FMNL3: variants seen among roughly 807,000 people sequenced by gnomAD.
FMNL3 encodes the protein formin like 3.
A neutral mutation model predicts 119.6 loss-of-function variants in FMNL3; 57 were observed. The observed-to-expected ratio is 0.48, with a 90% CI of 0.39 to 0.59. The LOEUF (loss-of-function observed/expected upper bound fraction) is 0.59. Ranked by LOEUF, FMNL3 falls within the 20% of genes least tolerant of loss-of-function variation. The pLI is 0.00. For missense variants in FMNL3, 1,053 were observed against 1,323.5 expected, an observed-to-expected ratio of 0.80 and a Z score of 3.17; for synonymous variants, 491 against 507.3, an observed-to-expected ratio of 0.97 and a Z score of 0.43.
chr12:49,665,919 G>T lies in FMNL3; in HGVS notation c.292-11C>A. 6.2e-7 allele frequency: 1 copy of T among 1,613,826 alleles called. No homozygotes were observed. The highest frequency in any genetic ancestry group is 8.5e-7 in the Non-Finnish European group (1 of 1,179,682). On this transcript the variant is annotated splice_polypyrimidine_tract_variant and intron_variant, in intron 3 of 25. Coordinates refer to ENST00000335154, the MANE Select transcript of FMNL3 (RefSeq NM_175736.5). ...CCTCCTCCTGAACTTCTGTAAAAAG[G>T]GTAGGAAAGGAAGGGAATACAAGAG...
At position 49,654,204 on chromosome 12, in the gene FMNL3, C is replaced by T. The variant is rs1479389105; in HGVS notation, c.1059G>A (p.Glu353=). 7 of 1,614,128 alleles carry T rather than the reference C, an allele frequency of 4.3e-6. No homozygotes were observed. Among genetic ancestry groups the T allele is most frequent in the South Asian group, 1.1e-5 (1 of 91,072 alleles). Residue 353 remains glutamate (E), a synonymous_variant, in exon 11 of 26, where the codon GAG becomes GAA. Coordinates refer to ENST00000335154, the MANE Select transcript of FMNL3 (RefSeq NM_175736.5). ...LQYEFTKLGL[E]EFLQKSRHTE... ...CCAGCCAGCTCACCTGCAGGAACTC[C>T]TCTAGCCCCAGCTTGGTAAACTCAT...
intron 1 of FMNL3, among the ~76,000 whole-genome samples, chr12:49,681,223 C>T (rs149506242): frequency 1.3e-3 from 204 of 152,356 alleles, no homozygotes; most frequent in South Asian, 0.011. Flanking sequence ...TTTTTTGAGA[C>T]GGAGTCTCGC....
Position 49,637,408 on chromosome 12 carries a change from C to T in FMNL3, c.*8407G>A. On this transcript the variant is annotated 3_prime_UTR_variant, in exon 26 of 26. Coordinates refer to ENST00000335154, the MANE Select transcript of FMNL3 (RefSeq NM_175736.5). ...TTCCTCTGCCATTCCCTCTCTTCCC[C>T]CTCAGTCTGTGGCTCTGCCTCCCTG... The T allele has an allele frequency of 1.7e-6, 2 of 1,155,530 alleles. No individual in the cohort carries two copies. Among genetic ancestry groups the T allele is most frequent in the Non-Finnish European group, 2.6e-6 (2 of 775,542 alleles). The allele number at this position is 1,155,530 out of a possible 1,614,324, so 71.6% of individuals were successfully genotyped here.
chr12:49,642,418 A>G lies in FMNL3; in HGVS notation c.*3397T>C. 2 of 1,603,076 alleles carry G rather than the reference A, an allele frequency of 1.2e-6. No individual in the cohort carries two copies. The highest frequency in any genetic ancestry group is 8.5e-7 in the Non-Finnish European group (1 of 1,171,576). On this transcript the variant is annotated 3_prime_UTR_variant, in exon 26 of 26. Transcript: ENST00000335154. The surrounding 1 kb of genome is among the most constrained non-coding windows in gnomAD (Gnocchi z 5.8). ...CCAAGCACCCCTCAAGCCTGAGGGC[A>G]GCGGTGCTTCACCACTGAGGGCCCA...
intron 1 of FMNL3, among the ~76,000 whole-genome samples, chr12:49,690,060 G>A (rs1277428237): frequency 6.6e-6 from 1 of 152,092 alleles, no homozygotes; most frequent in African/African-American, 2.4e-5. Flanking sequence ...ATCTCACTTG[G>A]TCTTCACAAA....
chr12:49,642,808 C>T lies in FMNL3; in HGVS notation c.*3007G>A, dbSNP rs1565852311. On this transcript the variant is annotated 3_prime_UTR_variant, in exon 26 of 26. Coordinates refer to ENST00000335154, the MANE Select transcript of FMNL3 (RefSeq NM_175736.5). This position sits in a 1 kb window ranked among gnomAD's most constrained non-coding sequence, Gnocchi z 5.8. ...GCTAAGGAAGGGGAGGCCTGAGGAT[C>T]CCTGGGATAGGCAGAAGGCTCTAGT... 2.1e-6 allele frequency: 3 copies of T among 1,425,066 alleles called. No homozygotes were observed. Among genetic ancestry groups the T allele is most frequent in the Non-Finnish European group, 2.9e-6 (3 of 1,035,106 alleles). 88.3% of individuals were successfully genotyped at this position (1,425,066 alleles called of 1,614,324 possible).
chr12:49,655,157 C>G (rs373698126), intron 9 of FMNL3, among the ~76,000 whole-genome samples, 173 bp from the exon 10 acceptor site: 6 of 152,246 alleles, frequency 3.9e-5, no homozygotes, highest in African/African-American at 1.4e-4. Context: ...TGGGGCCAGG[C>G]GCGGTGGCTC....
rs367831439 is a variant in FMNL3, at chr12:49,637,620, T to G, written c.*8195A>C. ...CAGGCTCCCCCTTCTCTGGCCTGGC[T>G]TCCTGCCCTGCCAGCCTCTCTGCAC... is the stretch of plus-strand genomic sequence containing the variant. On this transcript the variant is annotated 3_prime_UTR_variant, in exon 26 of 26. Coordinates refer to ENST00000335154, the MANE Select transcript of FMNL3 (RefSeq NM_175736.5). 6 of 1,592,428 alleles carry G rather than the reference T, an allele frequency of 3.8e-6. No individual in the cohort carries two copies. The South Asian group carries it at 6.6e-5, about 18-fold the overall frequency.
At chr12:49,707,032 A>G (rs1337096203) in intron 1 of FMNL3, 23 bp downstream of exon 1, 1 of 1,562,488 alleles carries the variant, frequency 6.4e-7, no homozygotes, top group Admixed American at 1.9e-5. Flanking sequence ...TACGCGGGGG[A>G]AGGGGCTGGG....
At chr12:49,691,669 T>C (rs971762898) in intron 1 of FMNL3, among the ~76,000 whole-genome samples, 1 of 152,180 alleles carries the variant, frequency 6.6e-6, no homozygotes, top group Admixed American at 6.5e-5. Context: ...CTGGTGCCCT[T>C]TCTCTCTCTC....
chr12:49,670,566 A>G (rs534523939), intron 1 of FMNL3, among the ~76,000 whole-genome samples: 1 of 152,336 alleles, frequency 6.6e-6, no homozygotes, highest in South Asian at 2.1e-4. Flanking sequence ...TATACATGGA[A>G]GAATTTAGGA....
At chr12:49,663,655 T>A (rs907285730) in intron 4 of FMNL3, among the ~76,000 whole-genome samples, 3 of 152,258 alleles carry the variant, frequency 2.0e-5, no homozygotes, top group African/African-American at 7.2e-5. Flanking sequence ...CTAACTTGTG[T>A]GCCAACTGCC....
At chr12:49,657,342 G>A in intron 6 of FMNL3, 152 bp from the exon 7 acceptor site, 1 of 619,530 alleles carries the variant, frequency 1.6e-6, no homozygotes, top group Non-Finnish European at 2.9e-6. Flanking sequence ...GGGACAGGGT[G>A]CAGGAGGCAG....
At chr12:49,690,613 G>C (rs1189771529) in intron 1 of FMNL3, among the ~76,000 whole-genome samples, 2 of 152,154 alleles carry the variant, frequency 1.3e-5, no homozygotes, top group Non-Finnish European at 2.9e-5. Flanking sequence ...GGATAGCTAA[G>C]ATCCAAACCC....
intron 1 of FMNL3, among the ~76,000 whole-genome samples, chr12:49,687,055 C>A (rs1944482312): frequency 6.6e-6 from 1 of 152,058 alleles, no homozygotes; most frequent in Admixed American, 6.6e-5. Flanking sequence ...CCCAAAACTG[C>A]CTGATAATCT....
chr12:49,666,023 A>G (rs747910500), intron 3 of FMNL3, 104 bp downstream of exon 3: 146 of 1,535,568 alleles, frequency 9.5e-5, no homozygotes, highest in Non-Finnish European at 1.3e-4. Flanking sequence ...CCAACTCCCA[A>G]TGCTCAGAAA....
chr12:49,701,919 T>A (rs1258875206), intron 1 of FMNL3, among the ~76,000 whole-genome samples: 1 of 152,000 alleles, frequency 6.6e-6, no homozygotes, highest in Non-Finnish European at 1.5e-5. Context: ...TAAGACTGTC[T>A]CAAAAACAAA....
chr12:49,697,048 G>C (rs946481640), intron 1 of FMNL3, among the ~76,000 whole-genome samples: 1 of 152,208 alleles, frequency 6.6e-6, no homozygotes, highest in South Asian at 2.1e-4. Context: ...GGGAAATAGG[G>C]ACCACAGGTT....
At position 49,658,602 on chromosome 12, in the gene FMNL3, A is replaced by G. The variant is rs1943644988; in HGVS notation, c.453-8T>C. On this transcript the variant is annotated splice_polypyrimidine_tract_variant and splice_region_variant and intron_variant, in intron 5 of 25. Transcript: ENST00000335154. ...AGACCCTCAAAGTCAAACCTGGAGC[A>G]TGAAAGGACACACATGCGCATACAC... 1.2e-6 allele frequency: 2 copies of G among 1,600,644 alleles called. No homozygotes were observed. The highest frequency in any genetic ancestry group is 1.1e-5 in the South Asian group (1 of 88,776).
Sources: allele counts gnomAD v4.1 joint callset (sites outside exome capture counted in the v4.1 genomes callset), GRCh38; gene constraint gnomAD v4.1.1; non-coding constraint Gnocchi (gnomAD v3.1); transcripts MANE v1.5; gene names NCBI Gene and HGNC (gene_info 2026-07-23, HGNC 2026-07-21).